The following IDE variants were observed in gnomAD, a reference collection of about 807,000 sequenced individuals.
IDE encodes insulin degrading enzyme.
IDE carries 58 observed loss-of-function variants against 133.2 expected under a neutral mutation model. The ratio of observed to expected loss-of-function variants is 0.44; its 90% CI spans 0.35 to 0.54. The LOEUF (loss-of-function observed/expected upper bound fraction) is 0.54, where lower values mean the gene tolerates loss of function less well. Ranked by LOEUF, IDE falls within the 20% of genes least tolerant of loss-of-function variation. The pLI is 0.00. For missense variants in IDE, 981 were observed against 1,234.0 expected (o/e 0.79, Z 3.07); for synonymous variants, 396 against 421.3 (o/e 0.94, Z 0.73).
intron 5 of IDE, among the ~76,000 whole-genome samples, chr10:92,513,086 T>C (rs982616565): frequency 6.6e-6 from 1 of 152,242 alleles, no homozygotes; most frequent in Non-Finnish European, 1.5e-5. Context: ...GACTGTAGAA[T>C]GTGAGTTCTT....
chr10:92,472,115 G>GTA (rs1254524455), intron 17 of IDE, among the ~76,000 whole-genome samples: 1 of 152,048 alleles, frequency 6.6e-6, no homozygotes, highest in Non-Finnish European at 1.5e-5. Flanking sequence ...TATTGTAGGA[G>GTA]TATATATATC....
intron 4 of IDE, among the ~76,000 whole-genome samples, chr10:92,524,864 G>A (rs941943358): frequency 2.6e-5 from 4 of 151,958 alleles, no homozygotes; most frequent in South Asian, 2.1e-4. Context: ...GCAGTGAGCC[G>A]AGATGGCACC....
At chr10:92,510,310 A>G (rs2135547290) in intron 5 of IDE, 148 bp from the exon 6 acceptor site, 1 of 421,554 alleles carries the variant, frequency 2.4e-6, no homozygotes, top group East Asian at 3.5e-5. Context: ...ATCTGTTTCT[A>G]CTTTAAAAAA....
intron 2 of IDE, 72 bp from the exon 3 acceptor site, chr10:92,534,857 G>A (rs908577574): frequency 1.4e-5 from 15 of 1,089,472 alleles, no homozygotes; most frequent in Admixed American, 1.4e-4. Flanking sequence ...GTGATTTGTA[G>A]TTCTTGTTAG....
At chr10:92,511,096 A>AC (rs1287344157) in intron 5 of IDE, among the ~76,000 whole-genome samples, 5 of 150,702 alleles carry the variant, frequency 3.3e-5, no homozygotes, top group African/African-American at 9.7e-5. Flanking sequence ...AAAAAAAAAA[A>AC]AAAAACTTTT....
chr10:92,466,694 T>A (rs1309971310), intron 19 of IDE, among the ~76,000 whole-genome samples: 1 of 150,824 alleles, frequency 6.6e-6, no homozygotes, highest in Non-Finnish European at 1.5e-5. Flanking sequence ...CTCGGCTCAC[T>A]GCAACCTCCA....
chr10:92,564,128 T>C (rs1564684713), intron 1 of IDE, among the ~76,000 whole-genome samples: 1 of 152,086 alleles, frequency 6.6e-6, no homozygotes, highest in East Asian at 1.9e-4. Flanking sequence ...ATGTAGTCTT[T>C]ACATGAAAGC....
At chr10:92,456,711 T>C (rs1478156656) in intron 22 of IDE, among the ~76,000 whole-genome samples, 1 of 151,608 alleles carries the variant, frequency 6.6e-6, no homozygotes, top group Non-Finnish European at 1.5e-5. Context: ...TGGTGGCACA[T>C]GCTTGTAATC....
rs35640611 is a variant in IDE at position 92,465,791 on chromosome 10, G to T, written c.2373C>A (p.Ile791=). The change falls in exon 20 of 25, where the codon ATC becomes ATA. Residue 791 remains isoleucine (I), a synonymous_variant. Transcript: ENST00000265986. ...GCATGTCTGTTTGGTAGTATATCTC[G>T]ATGCCACAGTTATTGTGAACTTCAT... is the stretch of plus-strand genomic sequence containing the variant. ...QRNEVHNNCG[I]EIYYQTDMQS... 3,161 of 1,613,784 alleles carry T rather than the reference G, an allele frequency of 2.0e-3. 39 individuals carry two copies. In the East Asian group the frequency reaches 0.043, roughly 22 times the overall value.
chr10:92,494,513 G>A (rs1356418835), intron 11 of IDE, among the ~76,000 whole-genome samples: 1 of 151,998 alleles, frequency 6.6e-6, no homozygotes, highest in Admixed American at 6.6e-5. Flanking sequence ...AGGCCAAGGC[G>A]AGTGGGTCAC....
chr10:92,478,099 T>C (rs1278286420), intron 15 of IDE, among the ~76,000 whole-genome samples: 1 of 152,210 alleles, frequency 6.6e-6, no homozygotes, highest in Non-Finnish European at 1.5e-5. Flanking sequence ...AATTGAGATA[T>C]AAGCAAGCTT....
At chr10:92,524,433 TTATATAATATATTTTATATATTA>T (rs1849455558) in intron 4 of IDE, among the ~76,000 whole-genome samples, 1 of 30,772 alleles carries the variant, frequency 3.2e-5, no homozygotes, top group African/African-American at 1.2e-4. Context: ...ATAATATATT[TTATATAATATATTTTATATATTA>T]TATATTTTAT....
At chr10:92,541,949 A>G (rs1192727131) in intron 1 of IDE, among the ~76,000 whole-genome samples, 2 of 152,202 alleles carry the variant, frequency 1.3e-5, no homozygotes, top group Non-Finnish European at 2.9e-5. Context: ...TTAATAAATC[A>G]GTTGCCCAAG....
At chr10:92,491,082 G>GT in intron 11 of IDE, among the ~76,000 whole-genome samples, 1 of 151,964 alleles carries the variant, frequency 6.6e-6, no homozygotes, top group African/African-American at 2.4e-5. Context: ...ACAAAAAATT[G>GT]TAATAATTAA....
intron 5 of IDE, among the ~76,000 whole-genome samples, chr10:92,511,816 T>C (rs1309450047): frequency 6.6e-6 from 1 of 152,196 alleles, no homozygotes; most frequent in Non-Finnish European, 1.5e-5. Context: ...GCAAGAGATG[T>C]CAGAGACATC....
At chr10:92,489,389 A>C (rs1847211682) in intron 12 of IDE, among the ~76,000 whole-genome samples, 1 of 152,066 alleles carries the variant, frequency 6.6e-6, no homozygotes, top group Non-Finnish European at 1.5e-5. Context: ...GTCTCTACTA[A>C]AAATACAAAA....
At chr10:92,573,797 G>A (rs1184451417) in intron 1 of IDE, 125 bp downstream of exon 1, 8 of 680,290 alleles carry the variant, frequency 1.2e-5, no homozygotes, top group Non-Finnish European at 1.6e-5. Flanking sequence ...GCCCCAGGCC[G>A]GCGGGACGGG....
At chr10:92,499,544 T>C (rs868789700) in intron 11 of IDE, among the ~76,000 whole-genome samples, 1 of 152,160 alleles carries the variant, frequency 6.6e-6, no homozygotes, top group African/African-American at 2.4e-5. Flanking sequence ...GTGATCCTTC[T>C]GCCTCAGCCT....
chr10:92,532,302 A>C (rs1363951111), intron 3 of IDE, among the ~76,000 whole-genome samples: 2 of 151,582 alleles, frequency 1.3e-5, no homozygotes, highest in Non-Finnish European at 2.9e-5. Flanking sequence ...AGAAAAAGGC[A>C]GGTCATAGTT....
Sources: allele counts gnomAD v4.1 joint callset (sites outside exome capture counted in the v4.1 genomes callset), GRCh38; gene constraint gnomAD v4.1.1; transcripts MANE v1.5; gene names NCBI Gene and HGNC (gene_info 2026-07-23, HGNC 2026-07-21).